Variants in DMRT1 observed in about 807,000 individuals in gnomAD.
DMRT1 encodes the protein doublesex- and mab-3-related transcription factor 1.
DMRT1 carries 7 observed loss-of-function variants against 32.3 expected under a neutral mutation model. The observed-to-expected ratio is 0.22, with a 90% CI of 0.12 to 0.41. The LOEUF is 0.41. Ranked by LOEUF, DMRT1 falls within the 10% of genes least tolerant of loss-of-function variation. The pLI is 1.00. For synonymous variants in DMRT1, 278 were observed against 206.1 expected, an observed-to-expected ratio of 1.35 and a Z score of -2.99; for missense variants, 625 against 500.5, an observed-to-expected ratio of 1.25 and a Z score of -2.37.
At chr9:942,478 G>A (rs958148067) in intron 4 of DMRT1, among the ~76,000 whole-genome samples, 5 of 152,144 alleles carry the variant, frequency 3.3e-5, no homozygotes, top group African/African-American at 1.2e-4. Flanking sequence ...TAGCCATGTT[G>A]CCGAAGCTGG....
intron 2 of DMRT1, among the ~76,000 whole-genome samples, chr9:854,476 G>T (rs978487596): frequency 6.6e-6 from 1 of 151,976 alleles, no homozygotes; most frequent in African/African-American, 2.4e-5. Context: ...TAGAGACAGG[G>T]TTTTGCCACG....
At position 906,740 on chromosome 9, in the gene DMRT1, C is replaced by T. The variant is rs141013416; in HGVS notation, c.823-10023C>T. The stretch of plus-strand genomic sequence containing the variant: ...ATTTGCTCCAGAAGTAGAGACAATG[C>T]GAAGAGTTGTTAAAAGCTAAAGGCA... On this transcript the variant is annotated intron_variant, in intron 3 of 4. Coordinates refer to ENST00000382276, the MANE Select transcript of DMRT1 (RefSeq NM_021951.3). Among the ~76,000 whole-genome samples the T allele has an allele frequency of 7.5e-3, 1,142 of 152,186 alleles. 11 individuals carry two copies. The highest frequency in any genetic ancestry group is 0.026 in the African/African-American group (1,076 of 41,506).
chr9:862,162 G>A (rs1815736671), intron 2 of DMRT1, among the ~76,000 whole-genome samples: 2 of 150,702 alleles, frequency 1.3e-5, no homozygotes, highest in African/African-American at 4.9e-5. Context: ...GCTGGGAGGT[G>A]GAGGTTGTAG....
chr9:932,073 C>G (rs1442356590), intron 4 of DMRT1, among the ~76,000 whole-genome samples: 1 of 152,178 alleles, frequency 6.6e-6, no homozygotes, highest in African/African-American at 2.4e-5. Flanking sequence ...AGCGGTGGCT[C>G]TCAGAGATAG....
At chr9:916,449 C>T (rs540522662) in intron 3 of DMRT1, among the ~76,000 whole-genome samples, 7 of 152,242 alleles carry the variant, frequency 4.6e-5, no homozygotes, top group African/African-American at 1.7e-4. Context: ...CGGCTCACTA[C>T]AGCCTCAAAC....
At chr9:861,050 C>CTTTTTTTTTTTT (rs140608243) in intron 2 of DMRT1, among the ~76,000 whole-genome samples, 5 of 121,402 alleles carry the variant, frequency 4.1e-5, no homozygotes, top group African/African-American at 8.9e-5. Context: ...AATTTACTTT[C>CTTTTTTTTTTTT]TTTTTTTTTT....
intron 3 of DMRT1, among the ~76,000 whole-genome samples, chr9:897,604 AC>A (rs1564233613): frequency 6.6e-6 from 1 of 151,972 alleles, no homozygotes; most frequent in Non-Finnish European, 1.5e-5. Context: ...AAAAAAAAAA[AC>A]AAAATTAAGT....
chr9:860,316 A>G (rs185552745), intron 2 of DMRT1, among the ~76,000 whole-genome samples: 107 of 152,318 alleles, frequency 7.0e-4, no homozygotes, highest in African/African-American at 2.5e-3. Flanking sequence ...TAAATACATA[A>G]AAAGTAAAAT....
chr9:968,908 G>C lies in DMRT1; in HGVS notation c.*769G>C, dbSNP rs1402059703. The C allele has an allele frequency of 6.6e-6, 1 of 152,606 alleles. No individual in the cohort carries two copies. The highest frequency in any genetic ancestry group is 1.5e-5 in the Non-Finnish European group (1 of 68,028). 9.5% of individuals were successfully genotyped at this position (152,606 alleles called of 1,614,324 possible). ...CTGTTGTAACCTTAGGTTGTAATCT[G>C]ATTTGGAAATAAGTACATCTTTAAA... On this transcript the variant is annotated 3_prime_UTR_variant, in exon 5 of 5. Coordinates refer to ENST00000382276, the MANE Select transcript of DMRT1 (RefSeq NM_021951.3).
intron 2 of DMRT1, among the ~76,000 whole-genome samples, chr9:880,745 AAAAG>A (rs1369370682): frequency 6.8e-6 from 1 of 146,462 alleles, no homozygotes; most frequent in African/African-American, 2.5e-5. Flanking sequence ...AAAAAAAAAG[AAAAG>A]AAAAGGAAAA....
At chr9:915,098 T>C (rs536869978) in intron 3 of DMRT1, among the ~76,000 whole-genome samples, 1 of 152,372 alleles carries the variant, frequency 6.6e-6, no homozygotes, top group South Asian at 2.1e-4. Context: ...ATTACTCATA[T>C]TTCTGGACAG....
At chr9:873,035 A>T (rs951862738) in intron 2 of DMRT1, among the ~76,000 whole-genome samples, 2 of 152,244 alleles carry the variant, frequency 1.3e-5, no homozygotes, top group African/African-American at 4.8e-5. Context: ...CACCCCAGAA[A>T]TAATCCTTGA....
intron 2 of DMRT1, among the ~76,000 whole-genome samples, chr9:855,036 C>T (rs373845787): frequency 2.6e-5 from 4 of 151,182 alleles, no homozygotes; most frequent in Non-Finnish European, 5.9e-5. Context: ...CAAAGTGCTG[C>T]GATTACAGGG....
chr9:848,533 C>A (rs2132546550), intron 2 of DMRT1, among the ~76,000 whole-genome samples: 1 of 146,212 alleles, frequency 6.8e-6, no homozygotes, highest in South Asian at 2.2e-4. Flanking sequence ...ATAATAGTTT[C>A]CAAACTTTTG....
At chr9:876,303 C>G (rs567089857) in intron 2 of DMRT1, among the ~76,000 whole-genome samples, 1 of 150,980 alleles carries the variant, frequency 6.6e-6, no homozygotes, top group Non-Finnish European at 1.5e-5. Context: ...AAGTCAGGGG[C>G]TTTGGGCCAG....
intron 4 of DMRT1, among the ~76,000 whole-genome samples, chr9:953,344 G>A (rs1016848232): frequency 3.3e-5 from 5 of 152,078 alleles, no homozygotes; most frequent in African/African-American, 1.2e-4. Context: ...TTCTGTTAGT[G>A]TCTGGAGTTT....
rs371158498 is a variant in DMRT1 at position 893,982 on chromosome 9, G to A, written c.609G>A (p.Leu203=). The change falls in exon 3 of 5, where the codon CTG becomes CTA. Residue 203 remains leucine (L), a synonymous_variant. Transcript: ENST00000382276. ...GGCATGTGGAGAACACACCTGACCT[G>A]GTTTCAGACTCCACCTACTACAGCA... The part of the protein sequence containing the change: ...SRGHVENTPD[L]VSDSTYYSSF... 1.2e-6 allele frequency: 2 copies of A among 1,613,988 alleles called. No homozygotes were observed. Among genetic ancestry groups the A allele is most frequent in the South Asian group, 1.1e-5 (1 of 91,088 alleles).
At chr9:869,843 G>T (rs1460068763) in intron 2 of DMRT1, among the ~76,000 whole-genome samples, 4 of 152,148 alleles carry the variant, frequency 2.6e-5, no homozygotes, top group East Asian at 1.9e-4. Flanking sequence ...AGCTATTAAT[G>T]CAAGTCTGCA....
chr9:905,910 C>T (rs568267988), intron 3 of DMRT1, among the ~76,000 whole-genome samples: 29 of 152,222 alleles, frequency 1.9e-4, no homozygotes, highest in African/African-American at 6.7e-4. Context: ...CCTCTGTTCC[C>T]GTGGTGTCTC....
Sources: gnomAD v4.1 joint callset for allele counts (sites outside exome capture counted in the v4.1 genomes callset) on GRCh38, gnomAD v4.1.1 for gene constraint, MANE v1.5 for transcripts, NCBI Gene and HGNC (gene_info 2026-07-23, HGNC 2026-07-21) for gene names.